SLC39A11: variants seen among roughly 807,000 people sequenced by gnomAD.
SLC39A11 encodes solute carrier family 39 member 11, also known as zinc transporter ZIP11.
A neutral mutation model predicts 36.1 loss-of-function variants in SLC39A11; 33 were observed. The observed-to-expected ratio is 0.91, with a 90% CI of 0.69 to 1.22. The LOEUF is 1.22. SLC39A11 is among the 50% of genes most tolerant of loss of function. SLC39A11 has a pLI of 0.00. For synonymous variants in SLC39A11, 166 were observed against 170.3 expected (o/e 0.97, Z 0.20); for missense variants, 432 against 430.3 (o/e 1.00, Z -0.03).
At chr17:72,772,407 C>T (rs1274176084) in intron 6 of SLC39A11, among the ~76,000 whole-genome samples, 1 of 152,214 alleles carries the variant, frequency 6.6e-6, no homozygotes, top group African/African-American at 2.4e-5. Flanking sequence ...ACTTCCTCTA[C>T]CAAGTCACTA....
chr17:72,666,028 A>C (rs908537812), intron 7 of SLC39A11, among the ~76,000 whole-genome samples: 39 of 152,206 alleles, frequency 2.6e-4, no homozygotes, highest in African/African-American at 9.4e-4. Flanking sequence ...GAGTTCTAGC[A>C]GGTCTGATGT....
At chr17:73,009,148 G>A (rs1365259451) in intron 4 of SLC39A11, among the ~76,000 whole-genome samples, 2 of 151,422 alleles carry the variant, frequency 1.3e-5, no homozygotes, top group African/African-American at 4.9e-5. Flanking sequence ...CGGATCACAA[G>A]GTCAGGAGAT....
chr17:72,768,721 A>C (rs1024086369), intron 6 of SLC39A11, among the ~76,000 whole-genome samples: 1 of 152,046 alleles, frequency 6.6e-6, no homozygotes, highest in Non-Finnish European at 1.5e-5. Context: ...CAAATGAGCA[A>C]GGTTACTTCT....
At chr17:72,763,186 C>T (rs535316969) in intron 6 of SLC39A11, among the ~76,000 whole-genome samples, 1 of 152,322 alleles carries the variant, frequency 6.6e-6, no homozygotes, top group South Asian at 2.1e-4. Context: ...TCCTCCCCTT[C>T]TCCCTCATTG....
chr17:72,890,872 G>GA (rs1229137912), intron 5 of SLC39A11, among the ~76,000 whole-genome samples: 1 of 152,032 alleles, frequency 6.6e-6, no homozygotes, highest in African/African-American at 2.4e-5. Context: ...AAGGGGGACT[G>GA]GTAAGATGTC....
chr17:72,819,809 A>G (rs1018804876), intron 6 of SLC39A11, among the ~76,000 whole-genome samples: 1 of 151,310 alleles, frequency 6.6e-6, no homozygotes, highest in Non-Finnish European at 1.5e-5. Flanking sequence ...TCAAATCAGA[A>G]ACTGGCTCAA....
intron 5 of SLC39A11, among the ~76,000 whole-genome samples, chr17:72,905,902 C>T (rs1394655317): frequency 2.6e-5 from 4 of 152,072 alleles, no homozygotes; most frequent in Admixed American, 2.6e-4. Context: ...TACAGGCGCC[C>T]GCCACCACGC....
intron 6 of SLC39A11, among the ~76,000 whole-genome samples, chr17:72,743,540 A>T (rs555016009): frequency 4.7e-4 from 71 of 152,262 alleles, no homozygotes; most frequent in African/African-American, 1.6e-3. Flanking sequence ...GCATCAGCCC[A>T]CTTTCCCCCT....
chr17:72,979,233 C>A (rs1365225946), intron 4 of SLC39A11, among the ~76,000 whole-genome samples: 1 of 152,168 alleles, frequency 6.6e-6, no homozygotes, highest in Non-Finnish European at 1.5e-5. Flanking sequence ...TTCCCCTTCA[C>A]CTTCCGCCAT....
At chr17:73,080,648 T>A (rs1158553686) in intron 3 of SLC39A11, among the ~76,000 whole-genome samples, 2 of 152,062 alleles carry the variant, frequency 1.3e-5, no homozygotes, top group African/African-American at 4.8e-5. Flanking sequence ...ACTTTTAAAC[T>A]AAAAAGCTTC....
At chr17:72,773,638 C>A (rs941169903) in intron 6 of SLC39A11, among the ~76,000 whole-genome samples, 1 of 141,928 alleles carries the variant, frequency 7.0e-6, no homozygotes, top group Admixed American at 7.1e-5. Flanking sequence ...ACAGGGGAGA[C>A]CATCTTACAC....
intron 6 of SLC39A11, among the ~76,000 whole-genome samples, chr17:72,758,431 G>A (rs903092326): frequency 1.3e-5 from 2 of 152,044 alleles, no homozygotes; most frequent in Admixed American, 1.3e-4. Flanking sequence ...CATTTTGTTC[G>A]GTATTGAAAT....
intron 6 of SLC39A11, among the ~76,000 whole-genome samples, chr17:72,836,906 A>T (rs1052033693): frequency 6.6e-6 from 1 of 152,166 alleles, no homozygotes; most frequent in Non-Finnish European, 1.5e-5. Flanking sequence ...GAGCAATGTG[A>T]AGCAGAAGCT....
At chr17:72,932,310 A>ATTATTATTATTATTATTATTAT (rs199790501) in intron 5 of SLC39A11, among the ~76,000 whole-genome samples, 2 of 144,736 alleles carry the variant, frequency 1.4e-5, no homozygotes, top group African/African-American at 5.8e-5. Flanking sequence ...TATTATTATT[A>ATTATTATTATTATTATTATTAT]TACTTTAAGT....
chr17:72,855,780 C>T lies in SLC39A11; in HGVS notation c.431-5976G>A, dbSNP rs544363368. Among the ~76,000 whole-genome samples the T allele has an allele frequency of 6.6e-3, 1,010 of 152,180 alleles. 2 individuals are homozygous for T. The highest frequency in any genetic ancestry group is 0.011 in the Non-Finnish European group (765 of 68,008). On this transcript the variant is annotated intron_variant, in intron 5 of 9. Transcript: ENST00000255559. Reference sequence around the variant, plus strand: ...GGCGTGGTGGCGGGCACCTGTAGTCCTAGCTACTTGGGAGGCTGAGGCAGG... The same window carrying T: ...GGCGTGGTGGCGGGCACCTGTAGTCTTAGCTACTTGGGAGGCTGAGGCAGG...
chr17:72,757,705 C>T (rs566454884), intron 6 of SLC39A11, among the ~76,000 whole-genome samples: 6 of 151,692 alleles, frequency 4.0e-5, no homozygotes, highest in African/African-American at 1.2e-4. Context: ...GCTCCTCATG[C>T]GTCATTTCTC....
intron 3 of SLC39A11, among the ~76,000 whole-genome samples, chr17:73,037,938 C>T (rs1312310366): frequency 2.6e-5 from 4 of 152,218 alleles, no homozygotes; most frequent in African/African-American, 9.6e-5. Flanking sequence ...AAAGAAAACT[C>T]GTGGCAGGGC....
intron 6 of SLC39A11, among the ~76,000 whole-genome samples, chr17:72,770,378 G>A (rs1439853720): frequency 5.9e-5 from 9 of 152,174 alleles, no homozygotes; most frequent in Admixed American, 3.3e-4. Context: ...AAAAAAGTTC[G>A]GGAGCCAGAT....
At chr17:72,669,932 A>G (rs182047037) in intron 7 of SLC39A11, among the ~76,000 whole-genome samples, 2 of 150,022 alleles carry the variant, frequency 1.3e-5, no homozygotes, top group Non-Finnish European at 3.0e-5. Flanking sequence ...ATACACATAT[A>G]TACGTATAGA....
Sources: gnomAD v4.1 joint callset for allele counts (sites outside exome capture counted in the v4.1 genomes callset) on GRCh38, gnomAD v4.1.1 for gene constraint, MANE v1.5 for transcripts, NCBI Gene and HGNC (gene_info 2026-07-23, HGNC 2026-07-21) for gene names.